SSTR1: variants seen among roughly 807,000 people sequenced by gnomAD.
SSTR1 encodes the protein somatostatin receptor type 1.
In SSTR1, 10 loss-of-function variants were observed where a neutral mutation model predicts 20.7. The observed-to-expected ratio is 0.48, with a 90% CI of 0.30 to 0.82. SSTR1 has a LOEUF of 0.82. SSTR1 is among the 40% of genes least tolerant of loss of function. The pLI is 0.07. For missense variants in SSTR1, 494 were observed against 540.0 expected, an observed-to-expected ratio of 0.91 and a Z score of 0.84; for synonymous variants, 267 against 227.8, an observed-to-expected ratio of 1.17 and a Z score of -1.55.
rs908178711 is a variant in SSTR1, at chr14:38,209,587, C to G, written c.198C>G (p.Ser66=). The G allele has an allele frequency of 3.7e-6, 6 of 1,613,464 alleles. No individual in the cohort carries two copies. Among genetic ancestry groups the G allele is most frequent in the Non-Finnish European group, 5.1e-6 (6 of 1,179,672 alleles). Residue 66 remains serine (S), a synonymous_variant, in exon 3 of 3, where the codon TCC becomes TCG. Coordinates refer to ENST00000267377, the MANE Select transcript of SSTR1 (RefSeq NM_001049.3). The part of the protein sequence containing the change: ...GSAILISFIY[S]VVCLVGLCGN... Reference sequence around the variant, plus strand: ...CCATCCTGATCTCTTTCATCTACTCCGTGGTGTGCCTGGTGGGGCTGTGTG... The same window carrying G: ...CCATCCTGATCTCTTTCATCTACTCGGTGGTGTGCCTGGTGGGGCTGTGTG...
Position 38,210,572 on chromosome 14 carries a change from G to A in SSTR1, c.*7G>A. ...CCGGATCACGACGCTCTGAGCCCGG[G>A]CCACGCAGGGGCTCTGAGCCCGGGC... On this transcript the variant is annotated 3_prime_UTR_variant, in exon 3 of 3. Transcript: ENST00000267377. The A allele has an allele frequency of 6.4e-7, 1 of 1,561,716 alleles. No homozygotes were observed. Among genetic ancestry groups the A allele is most frequent in the Non-Finnish European group, 8.7e-7 (1 of 1,152,904 alleles).
At position 38,211,756 on chromosome 14, in the gene SSTR1, A is replaced by G. The variant is rs1883335094; in HGVS notation, c.*1191A>G. ...CGAGTGGGGCCTGCCTGGTCTCTAG[A>G]GGGTTGCTGCCTTTCAAGCGGTGCC... On this transcript the variant is annotated 3_prime_UTR_variant, in exon 3 of 3. Coordinates refer to ENST00000267377, the MANE Select transcript of SSTR1 (RefSeq NM_001049.3). The G allele has an allele frequency of 1.2e-5, 2 of 167,106 alleles. No individual in the cohort carries two copies. Among genetic ancestry groups the G allele is most frequent in the South Asian group, 4.1e-4 (2 of 4,838 alleles). The allele number at this position is 167,106 out of a possible 1,614,324, so 10.4% of individuals were successfully genotyped here. A position where few individuals can be genotyped will look rare whatever the true frequency, so the allele number is the denominator to read the frequency against.
chr14:38,213,002 T>G lies in SSTR1; in HGVS notation c.*2437T>G, dbSNP rs1883358104. ...ATTATCCTTCTAAGAGGATACAAAT[T>G]TAGTGCTCTTAACTTGTTACCATTG... On this transcript the variant is annotated 3_prime_UTR_variant, in exon 3 of 3. Transcript: ENST00000267377. 1 of 167,018 alleles carries G rather than the reference T, an allele frequency of 6.0e-6. No individual in the cohort carries two copies. The highest frequency in any genetic ancestry group is 2.4e-5 in the African/African-American group (1 of 41,438). 10.3% of individuals were successfully genotyped at this position (167,018 alleles called of 1,614,324 possible). A position where few individuals can be genotyped will look rare whatever the true frequency, so the allele number is the denominator to read the frequency against.
In SSTR1 at chr14:38,210,748, G is replaced by A. The variant is rs1883313771; in HGVS notation, c.*183G>A. The A allele has an allele frequency of 2.9e-6, 4 of 1,384,270 alleles. No homozygotes were observed. The highest frequency in any genetic ancestry group is 3.1e-5 in the Admixed American group (1 of 32,628). The allele number at this position is 1,384,270 out of a possible 1,614,324, so 85.7% of individuals were successfully genotyped here. A position where few individuals can be genotyped will look rare whatever the true frequency, so the allele number is the denominator to read the frequency against. ...ATGGAGGAACCCAAGAAAGGCGCGCGACAATGGTAGAAGTGAGAGCTTTGC... is the reference window on the plus strand; with the variant it reads ...ATGGAGGAACCCAAGAAAGGCGCGCAACAATGGTAGAAGTGAGAGCTTTGC... On this transcript the variant is annotated 3_prime_UTR_variant, in exon 3 of 3. Transcript: ENST00000267377.
Position 38,209,400 on chromosome 14 carries a change from A to G in SSTR1, c.11A>G (p.Asn4Ser), listed in dbSNP as rs372977685. 49 of 1,508,024 alleles carry G rather than the reference A, an allele frequency of 3.2e-5. No homozygotes were observed. The highest frequency in any genetic ancestry group is 3.8e-5 in the Non-Finnish European group (43 of 1,130,842). 93.4% of individuals were successfully genotyped at this position (1,508,024 alleles called of 1,614,324 possible). A position where few individuals can be genotyped will look rare whatever the true frequency, so the allele number is the denominator to read the frequency against. ...CCCCCCTCAGCTGGGATGTTCCCCA[A>G]TGGCACCGCCTCCTCTCCTTCCTCC... The part of the protein sequence containing the change: MFP[N>S]GTASSPSSSP... Residue 4 changes from asparagine (N) to serine (S), a missense_variant, in exon 3 of 3, where the codon AAT becomes AGT. Physicochemically the swap from Asn to Ser is conservative, Grantham distance 46. Transcript: ENST00000267377.
Position 38,209,587 on chromosome 14 carries a change from C to A in SSTR1, c.198C>A (p.Ser66=), listed in dbSNP as rs908178711. The A allele has an allele frequency of 1.9e-6, 3 of 1,613,464 alleles. No homozygotes were observed. The highest frequency in any genetic ancestry group is 2.5e-6 in the Non-Finnish European group (3 of 1,179,672). ...CCATCCTGATCTCTTTCATCTACTC[C>A]GTGGTGTGCCTGGTGGGGCTGTGTG... The part of the protein sequence containing the change: ...GSAILISFIY[S]VVCLVGLCGN... Residue 66 remains serine (S), a synonymous_variant, in exon 3 of 3, where the codon TCC becomes TCA. Transcript: ENST00000267377.
Position 38,211,731 on chromosome 14 carries a change from C to T in SSTR1, c.*1166C>T, listed in dbSNP as rs545629108. 1 of 167,262 alleles carries T rather than the reference C, an allele frequency of 6.0e-6. No individual in the cohort carries two copies. Among genetic ancestry groups the T allele is most frequent in the Admixed American group, 6.5e-5 (1 of 15,314 alleles). 10.4% of individuals were successfully genotyped at this position (167,262 alleles called of 1,614,324 possible). A position where few individuals can be genotyped will look rare whatever the true frequency, so the allele number is the denominator to read the frequency against. On this transcript the variant is annotated 3_prime_UTR_variant, in exon 3 of 3. Coordinates refer to ENST00000267377, the MANE Select transcript of SSTR1 (RefSeq NM_001049.3). ...GGTGTCGCCGCAACCTGCAGGCTCC[C>T]GAGTGGGGCCTGCCTGGTCTCTAGA...
Position 38,210,660 on chromosome 14 carries a change from A to C in SSTR1, c.*95A>C. ...GAAGGGAAGGCCGGGTGCGAAAGGG[A>C]CGGTATCCAGGGCGCCAGGGTGCTG... On this transcript the variant is annotated 3_prime_UTR_variant, in exon 3 of 3. Coordinates refer to ENST00000267377, the MANE Select transcript of SSTR1 (RefSeq NM_001049.3). 1.4e-6 allele frequency: 2 copies of C among 1,465,148 alleles called. No homozygotes were observed. The highest frequency in any genetic ancestry group is 1.8e-6 in the Non-Finnish European group (2 of 1,108,800). The allele number at this position is 1,465,148 out of a possible 1,614,324, so 90.8% of individuals were successfully genotyped here.
Position 38,209,484 on chromosome 14 carries a change from C to T in SSTR1, c.95C>T (p.Ala32Val), listed in dbSNP as rs1420083480. Residue 32 changes from alanine (A) to valine (V), a missense_variant, in exon 3 of 3, where the codon GCC becomes GTC. Ala to Val is a moderately conservative substitution (Grantham distance 64). Coordinates refer to ENST00000267377, the MANE Select transcript of SSTR1 (RefSeq NM_001049.3). ...GGCGGCGGCAGCAGGGGCCCCGGGG[C>T]CGGCGCTGCGGACGGCATGGAGGAG... is the stretch of plus-strand genomic sequence containing the variant. ...GEGGGSRGPG[A>V]GAADGMEEPG... 6 of 1,569,422 alleles carry T rather than the reference C, an allele frequency of 3.8e-6. No homozygotes were observed. Among genetic ancestry groups the T allele is most frequent in the African/African-American group, 2.7e-5 (2 of 74,098 alleles).
Position 38,210,192 on chromosome 14 carries a change from A to G in SSTR1, c.803A>G (p.Lys268Arg). The change falls in exon 3 of 3, where the codon AAG (lysine) becomes AGG (arginine). Residue 268 changes from lysine (K) to arginine (R), a missense_variant. This residue lies in a region of SSTR1 where 280 missense variants were observed against 286.1 expected (regional missense o/e 0.98). Coordinates refer to ENST00000267377, the MANE Select transcript of SSTR1 (RefSeq NM_001049.3). ...GWQQRKRSER[K>R]ITLMVMMVVM... ...CAGCAGCGCAAGCGCTCGGAGCGCA[A>G]GATCACCTTAATGGTGATGATGGTG... 6.2e-7 allele frequency: 1 copy of G among 1,614,260 alleles called. No individual in the cohort carries two copies. Among genetic ancestry groups the G allele is most frequent in the Non-Finnish European group, 8.5e-7 (1 of 1,180,052 alleles).
chr14:38,209,382 C>T lies in SSTR1; in HGVS notation c.-8C>T. ...CCCTGGCAGCCCCACTGGCCCCCCT[C>T]AGCTGGGATGTTCCCCAATGGCACC... On this transcript the variant is annotated 5_prime_UTR_variant, in exon 3 of 3. Transcript: ENST00000267377. 1 of 1,489,772 alleles carries T rather than the reference C, an allele frequency of 6.7e-7. No homozygotes were observed. The highest frequency in any genetic ancestry group is 8.9e-7 in the Non-Finnish European group (1 of 1,122,390). 92.3% of individuals were successfully genotyped at this position (1,489,772 alleles called of 1,614,324 possible).
rs1270133590 is a variant in SSTR1, at chr14:38,210,165, G to A, written c.776G>A (p.Trp259Ter). ...CGCATGGTGGCCCTCAAGGCCGGCT[G>A]GCAGCAGCGCAAGCGCTCGGAGCGC... ...KMRMVALKAG[W>*]QQRKRSERKI... The change falls in exon 3 of 3, where the codon TGG (tryptophan) becomes TAG (stop). Residue 259 changes from tryptophan (W) to a stop codon, truncating the protein, a stop_gained. Coordinates refer to ENST00000267377, the MANE Select transcript of SSTR1 (RefSeq NM_001049.3). LOFTEE classifies it high-confidence loss of function. 2 of 1,614,240 alleles carry A rather than the reference G, an allele frequency of 1.2e-6. No homozygotes were observed. The highest frequency in any genetic ancestry group is 2.2e-5 in the South Asian group (2 of 91,090).
In SSTR1 at chr14:38,208,553, C is replaced by G. The variant is rs1369310421; in HGVS notation, c.-401C>G. On this transcript the variant is annotated 5_prime_UTR_variant, in exon 2 of 3. Transcript: ENST00000267377. ...GAAGATCGTCAACCTGCTAACAGAC[C>G]GCACATGCACTTTGCACCGACCATC... 6.6e-6 allele frequency: 1 copy of G among 152,164 alleles called. No homozygotes were observed. The highest frequency in any genetic ancestry group is 6.5e-5 in the Admixed American group (1 of 15,278). The allele number at this position is 152,164 out of a possible 1,614,324, so 9.4% of individuals were successfully genotyped here.
chr14:38,209,964 TC>T lies in SSTR1; in HGVS notation c.576del (p.Ile192MetfsTer80), dbSNP rs1883292770. 6.2e-7 allele frequency: 1 copy of T among 1,614,064 alleles called. No homozygotes were observed. Among genetic ancestry groups the T allele is most frequent in the South Asian group, 1.1e-5 (1 of 91,082 alleles). ...WVLSLLVILP[I>X]VVFSRTAANS... ...CTATCGCTGCTCGTCATCCTGCCCA[TC>T]GTGGTCTTCTCTCGCACCGCGGCCA... On this transcript the variant is annotated frameshift_variant, in exon 3 of 3. Coordinates refer to ENST00000267377, the MANE Select transcript of SSTR1 (RefSeq NM_001049.3). LOFTEE classifies it high-confidence loss of function.
At position 38,210,382 on chromosome 14, in the gene SSTR1, G is replaced by A. The variant is rs1204878207; in HGVS notation, c.993G>A (p.Lys331=). 7 of 1,614,096 alleles carry A rather than the reference G, an allele frequency of 4.3e-6. No individual in the cohort carries two copies. Among genetic ancestry groups the A allele is most frequent in the Non-Finnish European group, 5.9e-6 (7 of 1,180,042 alleles). Residue 331 remains lysine (K), a synonymous_variant, in exon 3 of 3, where the codon AAG becomes AAA. Coordinates refer to ENST00000267377, the MANE Select transcript of SSTR1 (RefSeq NM_001049.3). ...ILYGFLSDNF[K]RSFQRILCLS... ...ATGGCTTTCTCTCAGACAACTTCAA[G>A]CGCTCTTTCCAACGCATCCTATGCC... is the stretch of plus-strand genomic sequence containing the variant.
Position 38,210,670 on chromosome 14 carries a change from G to C in SSTR1, c.*105G>C. Reference sequence around the variant, plus strand: ...CCGGGTGCGAAAGGGACGGTATCCAGGGCGCCAGGGTGCTGTCGGGATAAC... The same window carrying C: ...CCGGGTGCGAAAGGGACGGTATCCACGGCGCCAGGGTGCTGTCGGGATAAC... On this transcript the variant is annotated 3_prime_UTR_variant, in exon 3 of 3. Transcript: ENST00000267377. The C allele has an allele frequency of 1.4e-6, 2 of 1,457,774 alleles. No individual in the cohort carries two copies. Among genetic ancestry groups the C allele is most frequent in the Non-Finnish European group, 1.8e-6 (2 of 1,104,782 alleles). The allele number at this position is 1,457,774 out of a possible 1,614,324, so 90.3% of individuals were successfully genotyped here.
Position 38,210,657 on chromosome 14 carries a change from G to C in SSTR1, c.*92G>C. On this transcript the variant is annotated 3_prime_UTR_variant, in exon 3 of 3. Transcript: ENST00000267377. ...TGAGAAGGGAAGGCCGGGTGCGAAA[G>C]GGACGGTATCCAGGGCGCCAGGGTG... is the stretch of plus-strand genomic sequence containing the variant. The C allele has an allele frequency of 6.8e-7, 1 of 1,467,734 alleles. No individual in the cohort carries two copies. The highest frequency in any genetic ancestry group is 2.4e-4 in the Middle Eastern group (1 of 4,214). The allele number at this position is 1,467,734 out of a possible 1,614,324, so 90.9% of individuals were successfully genotyped here.
chr14:38,209,758 G>C lies in SSTR1; in HGVS notation c.369G>C (p.Trp123Cys). 6.2e-7 allele frequency: 1 copy of C among 1,614,002 alleles called. No individual in the cohort carries two copies. The highest frequency in any genetic ancestry group is 8.5e-7 in the Non-Finnish European group (1 of 1,180,038). Reference sequence around the variant, plus strand: ...TCACCTCCACGTTGTTGCGCCACTGGCCCTTCGGTGCGCTGCTCTGCCGCC... The same window carrying C: ...TCACCTCCACGTTGTTGCGCCACTGCCCCTTCGGTGCGCTGCTCTGCCGCC... ...FLVTSTLLRHWPFGALLCRLV... is the reference protein window; with the variant it reads ...FLVTSTLLRHCPFGALLCRLV... The change falls in exon 3 of 3, where the codon TGG becomes TGC. Residue 123 changes from tryptophan to cysteine, a missense_variant. By Grantham distance (215) the Trp-to-Cys change is radical. Around this residue, in one of 3 missense-constraint regions of SSTR1, gnomAD observed 116 missense variants for 174.6 expected, o/e 0.66. Transcript: ENST00000267377.
Position 38,210,588 on chromosome 14 carries a change from G to A in SSTR1, c.*23G>A. On this transcript the variant is annotated 3_prime_UTR_variant, in exon 3 of 3. Coordinates refer to ENST00000267377, the MANE Select transcript of SSTR1 (RefSeq NM_001049.3). ...TGAGCCCGGGCCACGCAGGGGCTCT[G>A]AGCCCGGGCCACGCAGGGGCCCTGA... 1 of 1,548,182 alleles carries A rather than the reference G, an allele frequency of 6.5e-7. No homozygotes were observed. The highest frequency in any genetic ancestry group is 8.7e-7 in the Non-Finnish European group (1 of 1,150,864).
Sources: gnomAD v4.1 joint callset for allele counts on GRCh38, gnomAD v4.1.1 for gene constraint, gnomAD v4.1.1 regional missense constraint, MANE v1.5 for transcripts, NCBI Gene and HGNC (gene_info 2026-07-23, HGNC 2026-07-21) for gene names.